Variants in PRKN observed in about 807,000 individuals in gnomAD.
PRKN encodes the protein E3 ubiquitin-protein ligase parkin.
In PRKN, 56 loss-of-function variants were observed where a neutral mutation model predicts 59.5. The ratio of observed to expected loss-of-function variants is 0.94; its 90% CI spans 0.76 to 1.18. The LOEUF (loss-of-function observed/expected upper bound fraction) is 1.18. Ranked by LOEUF, PRKN falls within the 50% of genes most tolerant of loss-of-function variation. PRKN has a pLI of 0.00. For missense variants in PRKN, 657 were observed against 596.4 expected (o/e 1.10, Z -1.06); for synonymous variants, 250 against 222.1 (o/e 1.13, Z -1.12).
chr6:162,128,745 C>A (rs1274900609), intron 4 of PRKN, among the ~76,000 whole-genome samples: 5 of 152,146 alleles, frequency 3.3e-5, no homozygotes, highest in Non-Finnish European at 5.9e-5. Flanking sequence ...AAGGGCAGAG[C>A]CCTCATGGAT....
rs1315200056 is a variant in PRKN at position 162,340,058 on chromosome 6, C to G, written c.172-77293G>C. Among the ~76,000 whole-genome samples the G allele has an allele frequency of 4.1e-5, 6 of 147,336 alleles. No individual in the cohort carries two copies. The East Asian group carries it at 7.9e-4, about 19-fold the overall frequency. ...CAGAGACCTTTGTTCACTTGTTTAT[C>G]TGCTGACCTTCCCTCCACTATTGTC... is the stretch of plus-strand genomic sequence containing the variant. On this transcript the variant is annotated intron_variant, in intron 2 of 11. Coordinates refer to ENST00000366898, the MANE Select transcript of PRKN (RefSeq NM_004562.3).
At chr6:161,733,781 A>AAAAAAATAT (rs1787823359) in intron 7 of PRKN, among the ~76,000 whole-genome samples, 2 of 74,050 alleles carry the variant, frequency 2.7e-5, no homozygotes, top group African/African-American at 2.6e-4. Context: ...AAAAAAAAAA[A>AAAAAAATAT]AAATATATAT....
chr6:162,432,100 T>C (rs1038496302), intron 2 of PRKN, among the ~76,000 whole-genome samples: 8 of 152,166 alleles, frequency 5.3e-5, no homozygotes, highest in African/African-American at 1.9e-4. Flanking sequence ...ATAACCAATG[T>C]ATAATTGGTT....
intron 5 of PRKN, among the ~76,000 whole-genome samples, chr6:162,036,023 C>T (rs1325984547): frequency 6.6e-6 from 1 of 152,040 alleles, no homozygotes; most frequent in Non-Finnish European, 1.5e-5. Flanking sequence ...AAAGACATAA[C>T]GCCATAAAGA....
intron 7 of PRKN, among the ~76,000 whole-genome samples, chr6:161,681,944 G>A (rs922481282): frequency 2.6e-5 from 4 of 152,264 alleles, no homozygotes; most frequent in Non-Finnish European, 4.4e-5. Flanking sequence ...ACCAGGGACC[G>A]CCTCCTGGGT....
At chr6:161,968,454 T>C (rs558268276) in intron 6 of PRKN, among the ~76,000 whole-genome samples, 80 of 152,264 alleles carry the variant, frequency 5.3e-4, no homozygotes, top group African/African-American at 1.9e-3. Flanking sequence ...CACCCCATCA[T>C]GGCTGGAACT....
rs776385523 is a variant in PRKN at position 162,556,401 on chromosome 6, G to GTGTGTGTGTGTGTGTC, written c.8-112929_8-112928insGACACACACACACACA. ...TGTGTGTGTGTGTGTGTGTGTGTGT[G>GTGTGTGTGTGTGTGTC]TGTCAGTTTGGCAGACGCCTTCTTT... On this transcript the variant is annotated intron_variant, in intron 1 of 11. Coordinates refer to ENST00000366898, the MANE Select transcript of PRKN (RefSeq NM_004562.3). Among the ~76,000 whole-genome samples, 438 of 131,184 alleles carry GTGTGTGTGTGTGTGTC rather than the reference G, an allele frequency of 3.3e-3. 8 individuals carry two copies. The highest frequency in any genetic ancestry group is 5.9e-3 in the South Asian group (22 of 3,732). The allele number at this position is 131,184 out of a possible 152,430, so 86.1% of individuals were successfully genotyped here.
At chr6:162,274,197 A>ATTTC (rs1490117460) in intron 2 of PRKN, among the ~76,000 whole-genome samples, 7 of 151,646 alleles carry the variant, frequency 4.6e-5, no homozygotes, top group African/African-American at 1.7e-4. Flanking sequence ...TTATTTATTT[A>ATTTC]TTTATTTTGT....
chr6:161,540,713 G>T (rs1779586515), intron 9 of PRKN, among the ~76,000 whole-genome samples: 1 of 152,192 alleles, frequency 6.6e-6, no homozygotes, highest in Admixed American at 6.5e-5. Context: ...CACACAAAAG[G>T]TAGTTCTTGC....
intron 1 of PRKN, among the ~76,000 whole-genome samples, chr6:162,647,685 G>A (rs564647319): frequency 9.5e-4 from 144 of 151,996 alleles, no homozygotes; most frequent in Non-Finnish European, 1.6e-3. Flanking sequence ...ACTTTTTGTG[G>A]TACAATTAAG....
chr6:162,109,455 C>T (rs758037060), intron 4 of PRKN, among the ~76,000 whole-genome samples: 20 of 152,096 alleles, frequency 1.3e-4, no homozygotes, highest in Non-Finnish European at 2.1e-4. Flanking sequence ...TGAGTGAGGA[C>T]GCAAGGCAGC....
intron 6 of PRKN, among the ~76,000 whole-genome samples, chr6:161,794,588 A>C (rs930607584): frequency 2.6e-5 from 4 of 152,012 alleles, no homozygotes; most frequent in Middle Eastern, 3.2e-3. Context: ...TTTTTCTTCT[A>C]TCTTTTGGAG....
At chr6:162,457,449 C>A (rs181897365) in intron 1 of PRKN, among the ~76,000 whole-genome samples, 1 of 152,112 alleles carries the variant, frequency 6.6e-6, no homozygotes, top group African/African-American at 2.4e-5. Flanking sequence ...ACTGCAACTA[C>A]TTAAACCTAT....
At chr6:162,446,882 C>T (rs1790339971) in intron 1 of PRKN, among the ~76,000 whole-genome samples, 1 of 152,066 alleles carries the variant, frequency 6.6e-6, no homozygotes, top group African/African-American at 2.4e-5. Flanking sequence ...AAGGAAGTAC[C>T]CAGTTCTCCC....
At chr6:161,690,366 C>A (rs1785734875) in intron 7 of PRKN, among the ~76,000 whole-genome samples, 1 of 152,192 alleles carries the variant, frequency 6.6e-6, no homozygotes, top group Admixed American at 6.5e-5. Flanking sequence ...TGGAACTTTC[C>A]TCTAATGTCA....
At chr6:162,257,270 A>G (rs986687422) in intron 3 of PRKN, among the ~76,000 whole-genome samples, 5 of 152,180 alleles carry the variant, frequency 3.3e-5, no homozygotes, top group Non-Finnish European at 7.3e-5. Flanking sequence ...CAGTAGTTCC[A>G]GACCAGACTG....
chr6:162,664,441 T>C (rs1163879981), intron 1 of PRKN, among the ~76,000 whole-genome samples: 1 of 152,236 alleles, frequency 6.6e-6, no homozygotes, highest in East Asian at 1.9e-4. Context: ...ATAGTATTTA[T>C]GGTTCTAGGT....
Position 161,442,596 on chromosome 6 carries a change from A to C in PRKN, c.1084-55719T>G, listed in dbSNP as rs1789286896. Among the ~76,000 whole-genome samples, 1 of 152,210 alleles carries C rather than the reference A, an allele frequency of 6.6e-6. No homozygotes were observed. The highest frequency in any genetic ancestry group is 1.5e-5 in the Non-Finnish European group (1 of 68,042). On this transcript the variant is annotated intron_variant, in intron 9 of 11. Coordinates refer to ENST00000366898, the MANE Select transcript of PRKN (RefSeq NM_004562.3). The surrounding 1 kb of genome is among the most constrained non-coding windows in gnomAD (Gnocchi z 4.6). ...GGAAGGGCAGCACTGCTTGTATCTA[A>C]GGTGGCGACCTGGACCAAGGGTGGC...
intron 6 of PRKN, among the ~76,000 whole-genome samples, chr6:161,852,481 T>TCA (rs1793480104): frequency 6.6e-6 from 1 of 151,812 alleles, no homozygotes; most frequent in Admixed American, 6.6e-5. Context: ...ACATATGCCA[T>TCA]CACACACACA....
Sources: allele counts gnomAD v4.1 joint callset (sites outside exome capture counted in the v4.1 genomes callset), GRCh38; gene constraint gnomAD v4.1.1; non-coding constraint Gnocchi (gnomAD v3.1); transcripts MANE v1.5; gene names NCBI Gene and HGNC (gene_info 2026-07-23, HGNC 2026-07-21).